SNX8: variants seen among roughly 807,000 people sequenced by gnomAD.
SNX8 encodes sorting nexin 8, also known as sorting nexin-8.
Under a neutral mutation model 51.6 loss-of-function variants are expected in SNX8, and 25 were observed. The observed-to-expected ratio is 0.48, with a 90% CI of 0.35 to 0.68. The LOEUF is 0.68. Among genes scored for constraint, SNX8 ranks in the 30% least tolerant of loss-of-function variants. SNX8 has a pLI of 0.00. For synonymous variants in SNX8, 324 were observed against 277.0 expected (o/e 1.17, Z -1.68); for missense variants, 695 against 624.0 (o/e 1.11, Z -1.21).
At chr7:2,285,588 C>G (rs1484403183) in intron 1 of SNX8, among the ~76,000 whole-genome samples, 2 of 152,160 alleles carry the variant, frequency 1.3e-5, no homozygotes, top group Non-Finnish European at 2.9e-5. Context: ...AGGTAACACA[C>G]TTCACCCATG....
chr7:2,305,737 C>G (rs1404993744), intron 1 of SNX8, among the ~76,000 whole-genome samples: 1 of 151,954 alleles, frequency 6.6e-6, no homozygotes, highest in Non-Finnish European at 1.5e-5. Context: ...TATGAACACT[C>G]GAACAAAATT....
At chr7:2,261,320 C>T (rs867035563) in intron 7 of SNX8, among the ~76,000 whole-genome samples, 4 of 152,194 alleles carry the variant, frequency 2.6e-5, no homozygotes, top group African/African-American at 7.2e-5. Flanking sequence ...GTAATCCCAG[C>T]TACTGGGGAG....
At chr7:2,319,768 C>T (rs1466772282) in intron 1 of SNX8, among the ~76,000 whole-genome samples, 1 of 147,900 alleles carries the variant, frequency 6.8e-6, no homozygotes, top group Non-Finnish European at 1.5e-5. Flanking sequence ...TGAGCTGAGA[C>T]TGCACCACTG....
intron 1 of SNX8, among the ~76,000 whole-genome samples, chr7:2,327,810 G>A (rs2398664): frequency 0.45 from 68,195 of 151,516 alleles, 15,339 homozygotes; most frequent in South Asian, 0.61. Flanking sequence ...CCAAAGTGCT[G>A]GGATTGACAG....
At chr7:2,329,696 A>G (rs1778694581) in intron 1 of SNX8, among the ~76,000 whole-genome samples, 1 of 152,082 alleles carries the variant, frequency 6.6e-6, no homozygotes, top group Non-Finnish European at 1.5e-5. Flanking sequence ...ATCCAAGAGG[A>G]CTGGGTGGTG....
chr7:2,317,313 C>CTGT (rs1486814038), upstream of SNX8, among the ~76,000 whole-genome samples: 2 of 104,388 alleles, frequency 1.9e-5, no homozygotes, highest in Non-Finnish European at 3.5e-5. Flanking sequence ...GAGTCTCACT[C>CTGT]TGTTGCCTGG....
chr7:2,270,544 C>T (rs553447389), intron 4 of SNX8, among the ~76,000 whole-genome samples: 5 of 152,080 alleles, frequency 3.3e-5, no homozygotes, highest in Non-Finnish European at 4.4e-5. Flanking sequence ...GAACGTCCTG[C>T]CCCCAGAACA....
intron 1 of SNX8, among the ~76,000 whole-genome samples, chr7:2,278,601 C>T (rs1428068187): frequency 3.4e-5 from 5 of 148,950 alleles, no homozygotes; most frequent in Non-Finnish European, 1.5e-5. Context: ...CTCACTCACA[C>T]TACGGAGTCG....
chr7:2,296,108 GA>G (rs1292664904), intron 1 of SNX8, among the ~76,000 whole-genome samples: 1 of 152,074 alleles, frequency 6.6e-6, no homozygotes, highest in Non-Finnish European at 1.5e-5. Flanking sequence ...CTAATTCTGT[GA>G]AAAATGACGT....
Position 2,289,873 on chromosome 7 carries a change from G to A in SNX8, c.95-11568C>T, listed in dbSNP as rs553201533. Among the ~76,000 whole-genome samples the A allele has an allele frequency of 8.7e-4, 132 of 152,224 alleles. 3 individuals carry two copies. The South Asian group carries it at 0.026, about 30-fold the overall frequency. ...GATCGAGCCACTACGCTCCTGCCTG[G>A]GCAACAGAGCAAGACTCCATTTCAA... is the stretch of plus-strand genomic sequence containing the variant. On this transcript the variant is annotated intron_variant, in intron 1 of 10. Coordinates refer to ENST00000222990, the MANE Select transcript of SNX8 (RefSeq NM_013321.4).
At chr7:2,304,822 C>G (rs1396460495) in intron 1 of SNX8, among the ~76,000 whole-genome samples, 4 of 152,164 alleles carry the variant, frequency 2.6e-5, no homozygotes, top group African/African-American at 9.7e-5. Flanking sequence ...CCTTTTGGTG[C>G]AAAACACGGG....
intron 1 of SNX8, among the ~76,000 whole-genome samples, chr7:2,330,930 A>T (rs1778722452): frequency 6.6e-6 from 1 of 152,146 alleles, no homozygotes; most frequent in Non-Finnish European, 1.5e-5. Context: ...CACGCCTGTG[A>T]TCCCAAAACT....
At chr7:2,258,040 TC>T (rs1296226645) in intron 7 of SNX8, among the ~76,000 whole-genome samples, 1 of 144,162 alleles carries the variant, frequency 6.9e-6, no homozygotes, top group Non-Finnish European at 1.5e-5. Flanking sequence ...GTCGGAGTCT[TC>T]GCTCTGTCGC....
chr7:2,277,265 G>C lies in SNX8; in HGVS notation c.300+835C>G, dbSNP rs190745362. 2.0e-5 allele frequency among the ~76,000 whole-genome samples: 3 copies of C among 152,352 alleles called. No homozygotes were observed. In the East Asian group the frequency reaches 5.8e-4, roughly 29 times the overall value. ...ACGGTGTTGCTCCAGACGGGCATCA[G>C]GCACTCGGTGTCTGTGTCTCACCTG... On this transcript the variant is annotated intron_variant, in intron 2 of 10. Coordinates refer to ENST00000222990, the MANE Select transcript of SNX8 (RefSeq NM_013321.4).
intron 5 of SNX8, among the ~76,000 whole-genome samples, chr7:2,265,533 C>T (rs1292454641): frequency 6.7e-6 from 1 of 149,854 alleles, no homozygotes; most frequent in African/African-American, 2.5e-5. Context: ...GTCCCAGGTG[C>T]TTACAGAGGG....
intron 1 of SNX8, among the ~76,000 whole-genome samples, chr7:2,292,593 A>G (rs1204428283): frequency 1.3e-5 from 2 of 151,916 alleles, no homozygotes; most frequent in Admixed American, 6.6e-5. Context: ...TTGTATTTTT[A>G]GTAGAAACGT....
At chr7:2,276,305 TC>T (rs1351552547) in intron 2 of SNX8, among the ~76,000 whole-genome samples, 2 of 152,086 alleles carry the variant, frequency 1.3e-5, no homozygotes, top group Non-Finnish European at 2.9e-5. Flanking sequence ...CTGGTCCACA[TC>T]CCCGACTGCG....
chr7:2,268,664 G>T (rs1167311076), intron 5 of SNX8, among the ~76,000 whole-genome samples: 1 of 70,516 alleles, frequency 1.4e-5, no homozygotes. Flanking sequence ...CTGCCCGGCC[G>T]CCCCTACTGG....
At chr7:2,327,926 G>A (rs1481861916) in intron 1 of SNX8, among the ~76,000 whole-genome samples, 5 of 152,018 alleles carry the variant, frequency 3.3e-5, no homozygotes, top group South Asian at 4.2e-4. Flanking sequence ...GCAGCGGCAC[G>A]ATCATGGCTC....
Sources: allele counts gnomAD v4.1 joint callset (sites outside exome capture counted in the v4.1 genomes callset), GRCh38; gene constraint gnomAD v4.1.1; transcripts MANE v1.5; gene names NCBI Gene and HGNC (gene_info 2026-07-23, HGNC 2026-07-21).